TRIM5: variants seen among roughly 807,000 people sequenced by gnomAD.
TRIM5 encodes the protein tripartite motif containing 5, also known as tripartite motif-containing protein 5.
A neutral mutation model predicts 35.6 loss-of-function variants in TRIM5; 31 were observed. The observed-to-expected ratio is 0.87, with a 90% CI of 0.65 to 1.18. The LOEUF (loss-of-function observed/expected upper bound fraction) is 1.18, where lower values mean the gene tolerates loss of function less well. TRIM5 is among the 50% of genes most tolerant of loss of function. TRIM5 has a pLI of 0.00. For missense variants in TRIM5, 609 were observed against 591.6 expected, an observed-to-expected ratio of 1.03 and a Z score of -0.31; for synonymous variants, 243 against 215.6, an observed-to-expected ratio of 1.13 and a Z score of -1.11.
At chr11:5,607,946 A>G in the TRIM5 span, among the ~76,000 whole-genome samples, 12,552 of 152,246 alleles carry the variant, frequency 0.082, 549 homozygotes, top group South Asian at 0.12. Context: ...GTAGGGTAGA[A>G]GGTTAGAGAA....
At chr11:5,628,670 A>G in the TRIM5 span, among the ~76,000 whole-genome samples, 5 of 152,318 alleles carry the variant, frequency 3.3e-5, no homozygotes, top group Admixed American at 3.3e-4. Flanking sequence ...TTCTTTCACT[A>G]TCAAACCTGT....
chr11:5,649,997 T>C, the TRIM5 span, among the ~76,000 whole-genome samples: 1 of 152,332 alleles, frequency 6.6e-6, no homozygotes, highest in Admixed American at 6.5e-5. Context: ...GTAAATTCCA[T>C]AAACATGGGC....
At chr11:5,613,161 C>T in the TRIM5 span, among the ~76,000 whole-genome samples, 1 of 152,196 alleles carries the variant, frequency 6.6e-6, no homozygotes, top group Non-Finnish European at 1.5e-5. Context: ...CTGCACCTTC[C>T]CAGCTGCCCT....
chr11:5,615,733 A>G, the TRIM5 span, among the ~76,000 whole-genome samples: 3 of 151,684 alleles, frequency 2.0e-5, no homozygotes, highest in Admixed American at 1.3e-4. Flanking sequence ...AGCTGGGATT[A>G]CAGGCACCTG....
intron 4 of TRIM5, among the ~76,000 whole-genome samples, chr11:5,677,600 C>A (rs539593721): frequency 6.6e-6 from 1 of 152,120 alleles, no homozygotes; most frequent in Admixed American, 6.5e-5. Flanking sequence ...GGGGTTTCAC[C>A]GTGTTAGCCA....
At chr11:5,657,388 A>C in the TRIM5 span, among the ~76,000 whole-genome samples, 2 of 150,210 alleles carry the variant, frequency 1.3e-5, no homozygotes, top group African/African-American at 4.9e-5. Flanking sequence ...GCAGCAAACC[A>C]CCATGGTACG....
At chr11:5,649,473 C>T in the TRIM5 span, among the ~76,000 whole-genome samples, 1 of 152,284 alleles carries the variant, frequency 6.6e-6, no homozygotes, top group Non-Finnish European at 1.5e-5. Context: ...TCCAGACATA[C>T]ATTTTCTTAA....
chr11:5,664,446 AT>A lies in TRIM5; in HGVS notation c.*362del, dbSNP rs1233843198. On this transcript the variant is annotated 3_prime_UTR_variant, in exon 8 of 8. Coordinates refer to ENST00000380034, the MANE Select transcript of TRIM5 (RefSeq NM_033034.3). Reference sequence around the variant, plus strand: ...TTCATTGGTGAACAATTATCACACGATGATATAGAAAGGCTGTTGAAAAGCT... The same window carrying A: ...TTCATTGGTGAACAATTATCACACGAGATATAGAAAGGCTGTTGAAAAGCT... 1 of 1,021,684 alleles carries A rather than the reference AT, an allele frequency of 9.8e-7. No homozygotes were observed. Among genetic ancestry groups the A allele is most frequent in the African/African-American group, 1.7e-5 (1 of 58,024 alleles). 63.3% of individuals were successfully genotyped at this position (1,021,684 alleles called of 1,614,324 possible). A position where few individuals can be genotyped will look rare whatever the true frequency, so the allele number is the denominator to read the frequency against.
the TRIM5 span, chr11:5,644,500 G>C: frequency 2.7e-6 from 1 of 369,176 alleles, no homozygotes; most frequent in African/African-American, 2.1e-5. Flanking sequence ...AGACTCCACT[G>C]TTAAGACCAC....
chr11:5,630,981 A>G, the TRIM5 span, among the ~76,000 whole-genome samples: 1 of 152,218 alleles, frequency 6.6e-6, no homozygotes, highest in Admixed American at 6.5e-5. Context: ...TGGATTTAAC[A>G]CAGACAGAAC....
chr11:5,598,436 G>C, the TRIM5 span, among the ~76,000 whole-genome samples: 1 of 151,854 alleles, frequency 6.6e-6, no homozygotes, highest in African/African-American at 2.4e-5. Context: ...TATTAGATAG[G>C]AAAAAGACAT....
chr11:5,674,652 G>T (rs968867928), intron 4 of TRIM5, among the ~76,000 whole-genome samples: 1 of 152,254 alleles, frequency 6.6e-6, no homozygotes, highest in East Asian at 1.9e-4. Flanking sequence ...CTGTGCAGTG[G>T]ACTCAGTCTA....
chr11:5,650,355 C>T, the TRIM5 span, among the ~76,000 whole-genome samples: 287 of 152,306 alleles, frequency 1.9e-3, 1 homozygote, highest in African/African-American at 6.4e-3. Context: ...GGTTGCACTA[C>T]TTTTTAAAGT....
chr11:5,643,237 A>G, the TRIM5 span: 1 of 1,613,488 alleles, frequency 6.2e-7, no homozygotes, highest in Non-Finnish European at 8.5e-7. Context: ...TGGCCTTTTC[A>G]GTGTTATAAT....
rs1195066276 is a variant in TRIM5 at position 5,665,362 on chromosome 11, C to T, written c.929G>A (p.Cys310Tyr). The change falls in exon 8 of 8, where the codon TGT becomes TAT. Residue 310 changes from cysteine (C) to tyrosine (Y), a missense_variant. Coordinates refer to ENST00000380034, the MANE Select transcript of TRIM5 (RefSeq NM_033034.3). ...TCTCTTATCTTCAGAAATGACAGCA[C>T]ATGAAATGTTGTTTGGAGCCACTGT... Reference protein sequence around the residue: ...DVTVAPNNISCAVISEDKRQV... With the variant: ...DVTVAPNNISYAVISEDKRQV... 1.2e-5 allele frequency: 20 copies of T among 1,612,468 alleles called. No homozygotes were observed. The highest frequency in any genetic ancestry group is 1.7e-5 in the Admixed American group (1 of 59,752).
chr11:5,650,893 C>A, the TRIM5 span, among the ~76,000 whole-genome samples: 2 of 152,184 alleles, frequency 1.3e-5, no homozygotes, highest in African/African-American at 4.8e-5. Context: ...GCCAAATACT[C>A]CAAAATCTTC....
At chr11:5,657,515 T>C in the TRIM5 span, among the ~76,000 whole-genome samples, 1 of 137,446 alleles carries the variant, frequency 7.3e-6, no homozygotes, top group Non-Finnish European at 1.5e-5. Context: ...ATATTATATA[T>C]AATGCATTAT....
At chr11:5,671,709 T>C (rs1434410408) in intron 4 of TRIM5, among the ~76,000 whole-genome samples, 1 of 152,096 alleles carries the variant, frequency 6.6e-6, no homozygotes, top group Non-Finnish European at 1.5e-5. Flanking sequence ...GCAATGTACA[T>C]GTAATAGGTC....
chr11:5,668,898 A>T (rs1162487046), intron 4 of TRIM5, among the ~76,000 whole-genome samples: 1 of 152,168 alleles, frequency 6.6e-6, no homozygotes, highest in Non-Finnish European at 1.5e-5. Context: ...AGTTTAATAC[A>T]TTCAGTAGTG....
Sources: gnomAD v4.1 joint callset for allele counts (sites outside exome capture counted in the v4.1 genomes callset) on GRCh38, gnomAD v4.1.1 for gene constraint, MANE v1.5 for transcripts, NCBI Gene and HGNC (gene_info 2026-07-23, HGNC 2026-07-21) for gene names.